SEMA3D: variants seen among roughly 807,000 people sequenced by gnomAD.
The protein encoded by SEMA3D is semaphorin 3D, also known as semaphorin-3D.
In SEMA3D, 84 loss-of-function variants were observed where a neutral mutation model predicts 100.1. The observed-to-expected ratio is 0.84, with a 90% CI of 0.70 to 1.01. The LOEUF is 1.01. Among genes scored for constraint, SEMA3D ranks in the 50% least tolerant of loss-of-function variants. The probability of loss-of-function intolerance (pLI) is 0.00; values close to 1 mark genes in which losing one functional copy is unlikely to be tolerated. For missense variants in SEMA3D, 875 were observed against 934.1 expected (o/e 0.94, Z 0.82); for synonymous variants, 312 against 320.7 (o/e 0.97, Z 0.29).
At chr7:85,144,622 C>G (rs1234678048) in intron 2 of SEMA3D, 2 of 984,096 alleles carry the variant, frequency 2.0e-6, no homozygotes, top group South Asian at 4.7e-5. Context: ...CACATATATA[C>G]ATTTTTTCCT....
At chr7:85,204,376 C>T in the SEMA3D span, among the ~76,000 whole-genome samples, 3 of 148,086 alleles carry the variant, frequency 2.0e-5, no homozygotes, top group African/African-American at 4.9e-5. Flanking sequence ...CAGACTGTTG[C>T]CACTTAAAAA....
At position 85,096,177 on chromosome 7, in the gene SEMA3D, C is replaced by CGT. The variant is rs1236338770; in HGVS notation, c.312+1626_312+1627dup. On this transcript the variant is annotated intron_variant, in intron 4 of 18. Coordinates refer to ENST00000284136, the MANE Select transcript of SEMA3D (RefSeq NM_001384900.1). ...TTTCCTTGGCCACTTTCATAAAACA[C>CGT]GTCATCCCCTGCTAAGATATTTACT... 1.4e-4 allele frequency among the ~76,000 whole-genome samples: 22 copies of CGT among 151,982 alleles called. No individual in the cohort carries two copies. In the East Asian group the frequency reaches 2.7e-3, roughly 19 times the overall value.
At chr7:85,224,007 T>C in the SEMA3D span, among the ~76,000 whole-genome samples, 1 of 152,054 alleles carries the variant, frequency 6.6e-6, no homozygotes, top group Non-Finnish European at 1.5e-5. Flanking sequence ...CTGGAAACAA[T>C]TTTTATTATA....
At chr7:85,107,845 T>G (rs543872922) in intron 3 of SEMA3D, among the ~76,000 whole-genome samples, 17 of 152,062 alleles carry the variant, frequency 1.1e-4, no homozygotes, top group Admixed American at 2.0e-4. Flanking sequence ...AATATATTTA[T>G]TCCTACTGCC....
At chr7:85,014,946 G>T in intron 16 of SEMA3D, 113 bp downstream of exon 16, 1 of 706,712 alleles carries the variant, frequency 1.4e-6, no homozygotes. Flanking sequence ...TCCTTCCATA[G>T]GACATGTTAG....
intron 17 of SEMA3D, among the ~76,000 whole-genome samples, chr7:85,009,605 C>G (rs1029199492): frequency 2.6e-4 from 39 of 151,452 alleles, no homozygotes; most frequent in African/African-American, 7.5e-4. Context: ...AACAACTTTT[C>G]TGAGCAATAT....
At chr7:85,022,793 C>T (rs567240888) in intron 12 of SEMA3D, among the ~76,000 whole-genome samples, 180 bp from the exon 13 acceptor site, 86 of 151,902 alleles carry the variant, frequency 5.7e-4, no homozygotes, top group African/African-American at 2.0e-3. Context: ...AATTTAAACC[C>T]AGTTTTCTCC....
At chr7:85,141,339 T>C in intron 2 of SEMA3D, 1 of 984,476 alleles carries the variant, frequency 1.0e-6, no homozygotes, top group South Asian at 4.7e-5. Flanking sequence ...TTCAAAACCA[T>C]ATGTCAACTA....
intron 1 of SEMA3D, chr7:85,159,741 G>T: frequency 1.6e-6 from 1 of 636,670 alleles, no homozygotes; most frequent in Non-Finnish European, 2.0e-6. Flanking sequence ...TGAGAACACA[G>T]TGACAGAATG....
At chr7:85,018,347 T>TA (rs1236237557) in intron 14 of SEMA3D, 54 bp from the exon 15 acceptor site, 3 of 1,125,756 alleles carry the variant, frequency 2.7e-6, no homozygotes, top group African/African-American at 3.1e-5. Context: ...GTTTTTATAT[T>TA]AAACAATATG....
chr7:85,236,158 A>G, the SEMA3D span, among the ~76,000 whole-genome samples: 43 of 152,144 alleles, frequency 2.8e-4, no homozygotes, highest in Admixed American at 1.2e-3. Flanking sequence ...CAGAATTATG[A>G]CCATTTCAAG....
At chr7:85,197,179 T>A in the SEMA3D span, among the ~76,000 whole-genome samples, 1 of 152,196 alleles carries the variant, frequency 6.6e-6, no homozygotes, top group African/African-American at 2.4e-5. Flanking sequence ...AATTTGCAAC[T>A]GGAAAGAATC....
chr7:85,134,011 C>T (rs1358399085), intron 2 of SEMA3D, among the ~76,000 whole-genome samples: 1 of 151,926 alleles, frequency 6.6e-6, no homozygotes, highest in Non-Finnish European at 1.5e-5. Flanking sequence ...TATAATTTGG[C>T]ATTAAAATTC....
At chr7:85,190,414 T>C (rs1211593522), upstream of SEMA3D, among the ~76,000 whole-genome samples, 1 of 152,158 alleles carries the variant, frequency 6.6e-6, no homozygotes, top group Admixed American at 6.5e-5. Context: ...AGAAATGTTG[T>C]TATCCTCATC....
At chr7:85,120,900 A>G (rs1222773485) in intron 3 of SEMA3D, among the ~76,000 whole-genome samples, 1 of 152,178 alleles carries the variant, frequency 6.6e-6, no homozygotes, top group Non-Finnish European at 1.5e-5. Flanking sequence ...TATAAAATTT[A>G]TAATGGATAT....
chr7:85,065,009 C>T (rs537413462), intron 8 of SEMA3D, among the ~76,000 whole-genome samples: 47 of 152,244 alleles, frequency 3.1e-4, no homozygotes, highest in African/African-American at 1.1e-3. Context: ...ATGCCTTGGT[C>T]TTTACACAGA....
At chr7:85,091,716 A>G (rs1387849636) in intron 4 of SEMA3D, among the ~76,000 whole-genome samples, 1 of 152,062 alleles carries the variant, frequency 6.6e-6, no homozygotes, top group Non-Finnish European at 1.5e-5. Flanking sequence ...CTTAAACCAT[A>G]TTGTACAAAT....
At chr7:85,029,546 A>G (rs1470501372) in intron 12 of SEMA3D, 9 of 564,552 alleles carry the variant, frequency 1.6e-5, no homozygotes, top group Admixed American at 6.9e-5. Flanking sequence ...CATGCACAGC[A>G]AGAGCTGGAG....
chr7:85,211,272 G>A, the SEMA3D span, among the ~76,000 whole-genome samples: 7 of 151,996 alleles, frequency 4.6e-5, no homozygotes, highest in Non-Finnish European at 8.8e-5. Context: ...TTCTGTTTCT[G>A]TTCTTCAATT....
Sources: gnomAD v4.1 joint callset for allele counts (sites outside exome capture counted in the v4.1 genomes callset) on GRCh38, gnomAD v4.1.1 for gene constraint, MANE v1.5 for transcripts, NCBI Gene and HGNC (gene_info 2026-07-23, HGNC 2026-07-21) for gene names.